The following PCDH15 variants were observed in gnomAD, a reference collection of about 807,000 sequenced individuals.
PCDH15 encodes the protein protocadherin related 15, also known as protocadherin-15.
PCDH15 carries 129 observed loss-of-function variants against 178.5 expected under a neutral mutation model. The observed-to-expected ratio is 0.72, with a 90% CI of 0.63 to 0.84. PCDH15 has a LOEUF of 0.84. Among genes scored for constraint, PCDH15 ranks in the 40% least tolerant of loss-of-function variants. The pLI is 0.00. For missense variants in PCDH15, 2,230 were observed against 2,099.9 expected, an observed-to-expected ratio of 1.06 and a Z score of -1.21; for synonymous variants, 800 against 732.0, an observed-to-expected ratio of 1.09 and a Z score of -1.50.
At chr10:54,202,611 G>C (rs543149153) in intron 10 of PCDH15, among the ~76,000 whole-genome samples, 49 of 151,898 alleles carry the variant, frequency 3.2e-4, no homozygotes, top group Non-Finnish European at 6.8e-4. Context: ...TCGGGAGTTC[G>C]AGACCAGCCT....
At chr10:54,538,487 T>A (rs193073621) in intron 2 of PCDH15, among the ~76,000 whole-genome samples, 40 of 152,324 alleles carry the variant, frequency 2.6e-4, no homozygotes, top group African/African-American at 8.2e-4. Flanking sequence ...TTTGTACCAA[T>A]AACATGTTTT....
At chr10:54,071,379 G>A (rs1004749192) in intron 17 of PCDH15, among the ~76,000 whole-genome samples, 3 of 152,136 alleles carry the variant, frequency 2.0e-5, no homozygotes, top group Non-Finnish European at 2.9e-5. Context: ...TTTAAGGGCA[G>A]TGTGTAATAC....
At chr10:54,289,662 C>T (rs553641514) in intron 8 of PCDH15, among the ~76,000 whole-genome samples, 4 of 152,190 alleles carry the variant, frequency 2.6e-5, no homozygotes, top group South Asian at 4.1e-4. Context: ...AATGGTTAGA[C>T]GAATGCCTAA....
chr10:54,823,206 A>AACACACACACAC (rs4007188), intron 3 of PCDH15, among the ~76,000 whole-genome samples: 17 of 148,920 alleles, frequency 1.1e-4, no homozygotes, highest in African/African-American at 4.2e-4. Context: ...CACCAGCATA[A>AACACACACACAC]ACACACACAC....
At chr10:54,481,294 G>A (rs780555622) in intron 3 of PCDH15, among the ~76,000 whole-genome samples, 32 of 151,128 alleles carry the variant, frequency 2.1e-4, no homozygotes, top group Non-Finnish European at 4.3e-4. Flanking sequence ...ATTTTAAATC[G>A]GTCTGGCGCT....
At position 53,878,500 on chromosome 10, in the gene PCDH15, T is replaced by TTA. The variant is rs1254143988; in HGVS notation, c.3502-11645_3502-11644dup. Reference sequence around the variant, plus strand: ...AGTATATATATAAATATATAATATATTATATATATACGTGTGTGTGTGTAT... The same window carrying TTA: ...AGTATATATATAAATATATAATATATTATATATATATACGTGTGTGTGTGTAT... On this transcript the variant is annotated intron_variant, in intron 26 of 37. Coordinates refer to ENST00000644397, the MANE Select transcript of PCDH15 (RefSeq NM_001384140.1). Among the ~76,000 whole-genome samples the TTA allele has an allele frequency of 3.0e-4, 41 of 134,852 alleles. No individual in the cohort carries two copies. In the East Asian group the frequency reaches 7.5e-3, roughly 25 times the overall value. 88.5% of individuals were successfully genotyped at this position (134,852 alleles called of 152,430 possible).
At chr10:55,240,464 A>T (rs1841513596) in intron 1 of PCDH15, among the ~76,000 whole-genome samples, 1 of 152,198 alleles carries the variant, frequency 6.6e-6, no homozygotes. Context: ...TATTTTCAGA[A>T]TTGTGTTTAG....
At chr10:55,280,269 CTTTTTTTTTTTTTT>C (rs1007536850) in intron 1 of PCDH15, among the ~76,000 whole-genome samples, 1 of 65,992 alleles carries the variant, frequency 1.5e-5, no homozygotes, top group African/African-American at 6.6e-5. Flanking sequence ...TATTTTGATT[CTTTTTTTTTTTTTT>C]TTTTTTTTTT....
intron 3 of PCDH15, among the ~76,000 whole-genome samples, chr10:54,442,936 G>C (rs1189167507): frequency 2.0e-5 from 3 of 151,580 alleles, no homozygotes; most frequent in Admixed American, 6.6e-5. Flanking sequence ...AACTTCTGAA[G>C]TATGCTTTAA....
At chr10:54,075,743 A>G (rs1169527681) in intron 17 of PCDH15, among the ~76,000 whole-genome samples, 4 of 152,178 alleles carry the variant, frequency 2.6e-5, no homozygotes, top group African/African-American at 9.7e-5. Context: ...ACCCATCTTA[A>G]AAATTATCTG....
At chr10:55,405,425 G>A (rs542750559) in intron 2 of PCDH15, among the ~76,000 whole-genome samples, 3 of 151,012 alleles carry the variant, frequency 2.0e-5, no homozygotes, top group Admixed American at 2.0e-4. Flanking sequence ...TCACTCATAT[G>A]TGTCATCTTT....
chr10:54,258,111 C>T (rs192085060), intron 8 of PCDH15, among the ~76,000 whole-genome samples: 2 of 151,970 alleles, frequency 1.3e-5, no homozygotes, highest in Non-Finnish European at 2.9e-5. Flanking sequence ...TGATTTTTAC[C>T]CAATATTTCA....
At chr10:55,308,233 T>C (rs1843480185) in intron 1 of PCDH15, among the ~76,000 whole-genome samples, 1 of 152,178 alleles carries the variant, frequency 6.6e-6, no homozygotes, top group Non-Finnish European at 1.5e-5. Context: ...GGTTTTGAGA[T>C]GTGTGTCTCT....
chr10:53,810,700 A>G (rs375868157), intron 36 of PCDH15, 36 bp from the exon 37 acceptor site: 10 of 1,551,822 alleles, frequency 6.4e-6, no homozygotes, highest in Middle Eastern at 1.7e-4. Context: ...ACAGTTTGTC[A>G]TGTGATTTCT....
At position 54,622,722 on chromosome 10, in the gene PCDH15, AT is replaced by A. The variant is rs1234277303; in HGVS notation, c.91+41449del. Among the ~76,000 whole-genome samples, 7 of 93,874 alleles carry A rather than the reference AT, an allele frequency of 7.5e-5. No homozygotes were observed. In the South Asian group the frequency reaches 1.0e-3, roughly 14 times the overall value. The allele number at this position is 93,874 out of a possible 152,430, so 61.6% of individuals were successfully genotyped here. ...ATTTTCTATATATTATATATAATAT[AT>A]ATTATATAATTATATATATATTATA... On this transcript the variant is annotated intron_variant, in intron 2 of 37. Coordinates refer to ENST00000644397, the MANE Select transcript of PCDH15 (RefSeq NM_001384140.1).
At chr10:54,686,855 G>T (rs2095021498) in intron 1 of PCDH15, among the ~76,000 whole-genome samples, 1 of 152,080 alleles carries the variant, frequency 6.6e-6, no homozygotes, top group African/African-American at 2.4e-5. Context: ...CAGAATGGGA[G>T]AAAATATTTG....
intron 2 of PCDH15, among the ~76,000 whole-genome samples, chr10:55,482,024 G>A (rs1840192177): frequency 1.3e-5 from 2 of 151,838 alleles, no homozygotes; most frequent in Non-Finnish European, 2.9e-5. Context: ...TGTATTAGGT[G>A]CAAATATATT....
chr10:54,780,773 A>T (rs928590558), intron 1 of PCDH15, among the ~76,000 whole-genome samples: 2 of 151,358 alleles, frequency 1.3e-5, no homozygotes. Flanking sequence ...AATATAAATT[A>T]TCTTTTAACG....
At chr10:55,371,346 G>GC (rs1202909982) in intron 2 of PCDH15, among the ~76,000 whole-genome samples, 5 of 151,988 alleles carry the variant, frequency 3.3e-5, no homozygotes, top group Admixed American at 3.3e-4. Context: ...TCGTGGAGGG[G>GC]CCTTATAATC....
Sources: gnomAD v4.1 joint callset for allele counts (sites outside exome capture counted in the v4.1 genomes callset) on GRCh38, gnomAD v4.1.1 for gene constraint, MANE v1.5 for transcripts, NCBI Gene and HGNC (gene_info 2026-07-23, HGNC 2026-07-21) for gene names.